Variants in LRRTM3 observed in about 807,000 individuals in gnomAD.
The protein encoded by LRRTM3 is leucine rich repeat transmembrane neuronal 3.
A neutral mutation model predicts 44.7 loss-of-function variants in LRRTM3; 24 were observed. That is an observed-to-expected ratio of 0.54 (90% confidence interval 0.39 to 0.76). LRRTM3 has a LOEUF of 0.76. Among genes scored for constraint, LRRTM3 ranks in the 30% least tolerant of loss-of-function variants. The pLI is 0.00. For synonymous variants in LRRTM3, 277 were observed against 278.7 expected (o/e 0.99, Z 0.06); for missense variants, 587 against 702.2 (o/e 0.84, Z 1.85).
chr10:67,010,338 T>C (rs544859708), intron 2 of LRRTM3, among the ~76,000 whole-genome samples: 62 of 152,324 alleles, frequency 4.1e-4, no homozygotes, highest in Middle Eastern at 3.4e-3. Flanking sequence ...TCCAACAATG[T>C]TTTAAAATTG....
At chr10:67,013,388 A>T (rs1034637497) in intron 2 of LRRTM3, among the ~76,000 whole-genome samples, 5 of 151,970 alleles carry the variant, frequency 3.3e-5, no homozygotes, top group African/African-American at 1.2e-4. Flanking sequence ...AAAACTAAAA[A>T]AATTAATAAT....
rs148026654 is a variant in LRRTM3 at position 67,060,873 on chromosome 10, T to C, written c.1537-36714T>C. The stretch of plus-strand genomic sequence containing the variant: ...ACATTTTTGTTTTAAGCTATGACTT[T>C]AACTAGTTTTTTTAAATTGTTTTTG... On this transcript the variant is annotated intron_variant, in intron 2 of 2. Coordinates refer to ENST00000361320, the MANE Select transcript of LRRTM3 (RefSeq NM_178011.5). 9.8e-5 allele frequency among the ~76,000 whole-genome samples: 15 copies of C among 152,318 alleles called. No individual in the cohort carries two copies. The East Asian group carries it at 2.9e-3, about 29-fold the overall frequency.
chr10:67,021,304 T>G (rs1037874874), intron 2 of LRRTM3, among the ~76,000 whole-genome samples: 2 of 152,132 alleles, frequency 1.3e-5, no homozygotes, highest in Non-Finnish European at 2.9e-5. Context: ...AGCCAAAAAT[T>G]TAAACAATAA....
intron 2 of LRRTM3, among the ~76,000 whole-genome samples, chr10:66,983,544 C>A (rs1451483714): frequency 6.6e-6 from 1 of 151,392 alleles, no homozygotes; most frequent in Admixed American, 6.6e-5. Context: ...TTCTTCCCAA[C>A]CATGGTAACA....
chr10:66,956,881 C>T (rs565905688), intron 2 of LRRTM3, among the ~76,000 whole-genome samples: 2 of 152,158 alleles, frequency 1.3e-5, no homozygotes, highest in East Asian at 1.9e-4. Context: ...CATCCTCCTA[C>T]GGGACAAAAA....
At chr10:67,088,075 G>A (rs1413223832) in intron 2 of LRRTM3, among the ~76,000 whole-genome samples, 1 of 151,780 alleles carries the variant, frequency 6.6e-6, no homozygotes, top group African/African-American at 2.4e-5. Context: ...GAGAAAGAAA[G>A]CAAGAACAAG....
rs767240902 is a variant in LRRTM3, at chr10:66,928,204, T to A, written c.1288T>A (p.Ser430Thr). ...IIAGSVALFL[S>T]VLVILLVIYV... is the part of the protein sequence containing the mutation. ...CGCGGGCAGCGTGGCGCTTTTCCTG[T>A]CCGTGCTCGTCATCCTGCTGGTTAT... Residue 430 changes from serine to threonine, a missense_variant, in exon 2 of 3, where the codon TCC becomes ACC. Transcript: ENST00000361320. The A allele has an allele frequency of 6.2e-7, 1 of 1,614,110 alleles. No individual in the cohort carries two copies. The highest frequency in any genetic ancestry group is 8.5e-7 in the Non-Finnish European group (1 of 1,180,042).
At chr10:66,957,349 A>G (rs1848843988) in intron 2 of LRRTM3, among the ~76,000 whole-genome samples, 1 of 149,786 alleles carries the variant, frequency 6.7e-6, no homozygotes, top group African/African-American at 2.4e-5. Context: ...AGTAAAAAAT[A>G]CTTTAGAAGA....
In LRRTM3 at chr10:66,926,462, A is replaced by G. The variant is rs1337020634; in HGVS notation, c.-122A>G. 27 of 1,162,616 alleles carry G rather than the reference A, an allele frequency of 2.3e-5. No individual in the cohort carries two copies. Among genetic ancestry groups the G allele is most frequent in the Non-Finnish European group, 3.0e-5 (24 of 793,744 alleles). 72.0% of individuals were successfully genotyped at this position (1,162,616 alleles called of 1,614,324 possible). A position where few individuals can be genotyped will look rare whatever the true frequency, so the allele number is the denominator to read the frequency against. On this transcript the variant is annotated 5_prime_UTR_variant, in exon 1 of 3. Transcript: ENST00000361320. ...ATCGGTCCATCTCCCAAGGGGTCCA[A>G]TTTTTCTTCCTGGGTGTCAGCGAGC... is the stretch of plus-strand genomic sequence containing the variant.
At chr10:66,965,389 G>A (rs1925561) in intron 2 of LRRTM3, among the ~76,000 whole-genome samples, 1 of 151,864 alleles carries the variant, frequency 6.6e-6, no homozygotes, top group Admixed American at 6.6e-5. Flanking sequence ...ACAAAAATTA[G>A]CCGGGTGTGG....
chr10:67,072,380 A>C (rs1856512616), intron 2 of LRRTM3, among the ~76,000 whole-genome samples: 1 of 152,108 alleles, frequency 6.6e-6, no homozygotes, highest in Non-Finnish European at 1.5e-5. Flanking sequence ...ATCTGCTTCA[A>C]ATGTATACTT....
At chr10:67,068,331 A>G (rs1025289366) in intron 2 of LRRTM3, among the ~76,000 whole-genome samples, 3 of 152,174 alleles carry the variant, frequency 2.0e-5, no homozygotes, top group African/African-American at 7.2e-5. Context: ...GGTAAAGGGA[A>G]TAATAAAAGA....
At chr10:67,037,302 A>G (rs1854119485) in intron 2 of LRRTM3, among the ~76,000 whole-genome samples, 1 of 151,852 alleles carries the variant, frequency 6.6e-6, no homozygotes. Context: ...CTCTTCTTTC[A>G]TGTACTCAGC....
intron 2 of LRRTM3, among the ~76,000 whole-genome samples, chr10:66,957,084 A>G (rs1458946163): frequency 1.3e-5 from 2 of 152,192 alleles, no homozygotes; most frequent in Non-Finnish European, 2.9e-5. Context: ...ACATGTATCT[A>G]TCACACATTT....
intron 2 of LRRTM3, among the ~76,000 whole-genome samples, chr10:66,972,862 C>T (rs1294432235): frequency 6.6e-6 from 1 of 151,994 alleles, no homozygotes; most frequent in Non-Finnish European, 1.5e-5. Flanking sequence ...AGGCGCCTGC[C>T]ACCACGCCTG....
chr10:67,059,607 T>A (rs960048585), intron 2 of LRRTM3, among the ~76,000 whole-genome samples: 1 of 152,226 alleles, frequency 6.6e-6, no homozygotes, highest in Non-Finnish European at 1.5e-5. Context: ...TTTCCTTTTT[T>A]TAAAGTTGTC....
intron 2 of LRRTM3, among the ~76,000 whole-genome samples, chr10:67,064,696 C>T (rs930404353): frequency 5.3e-5 from 8 of 152,120 alleles, no homozygotes; most frequent in Non-Finnish European, 1.2e-4. Context: ...GTCAGAAATT[C>T]AGTTAAGATG....
At chr10:66,944,421 C>G (rs1848177416) in intron 2 of LRRTM3, among the ~76,000 whole-genome samples, 1 of 152,166 alleles carries the variant, frequency 6.6e-6, no homozygotes, top group African/African-American at 2.4e-5. Context: ...ACCACATCTT[C>G]AGTTACTTCC....
intron 2 of LRRTM3, among the ~76,000 whole-genome samples, chr10:67,020,689 A>G (rs1852949432): frequency 6.6e-6 from 1 of 152,220 alleles, no homozygotes. Flanking sequence ...ATCAAAAGTT[A>G]TTTAAGGGGA....
Sources: gnomAD v4.1 joint callset for allele counts (sites outside exome capture counted in the v4.1 genomes callset) on GRCh38, gnomAD v4.1.1 for gene constraint, MANE v1.5 for transcripts, NCBI Gene and HGNC (gene_info 2026-07-23, HGNC 2026-07-21) for gene names.